The following ETV1 variants were observed in gnomAD, a reference collection of about 807,000 sequenced individuals.
ETV1 encodes the protein ETS translocation variant 1.
ETV1 carries 27 observed loss-of-function variants against 62.3 expected under a neutral mutation model. The observed-to-expected ratio is 0.43, with a 90% CI of 0.32 to 0.60. ETV1 has a LOEUF of 0.60. Among genes scored for constraint, ETV1 ranks in the 20% least tolerant of loss-of-function variants. The probability of loss-of-function intolerance (pLI) is 0.06; values close to 1 mark genes in which losing one functional copy is unlikely to be tolerated. For synonymous variants in ETV1, 222 were observed against 199.6 expected (o/e 1.11, Z -0.94); for missense variants, 605 against 605.8 (o/e 1.00, Z 0.01).
chr7:13,945,085 G>T (rs1788001623), intron 6 of ETV1, among the ~76,000 whole-genome samples: 1 of 152,112 alleles, frequency 6.6e-6, no homozygotes. Context: ...ATTTCACAAA[G>T]CAACCCAGTT....
In ETV1 at chr7:13,893,476, A is replaced by G. The variant is rs772167753; in HGVS notation, c.*2390T>C. 7 of 231,246 alleles carry G rather than the reference A, an allele frequency of 3.0e-5. No homozygotes were observed. The highest frequency in any genetic ancestry group is 5.6e-5 in the Admixed American group (1 of 17,742). The allele number at this position is 231,246 out of a possible 1,614,324, so 14.3% of individuals were successfully genotyped here. The stretch of plus-strand genomic sequence containing the variant: ...TTTAGTTCAGTGAGTCACTACGTTA[A>G]AACAGCAAAACATATAGTTTGTCCT... On this transcript the variant is annotated 3_prime_UTR_variant, in exon 14 of 14. Transcript: ENST00000430479.
At chr7:13,979,224 G>C (rs886274803) in intron 5 of ETV1, among the ~76,000 whole-genome samples, 1 of 152,144 alleles carries the variant, frequency 6.6e-6, no homozygotes, top group East Asian at 1.9e-4. Context: ...AGGATTAAAT[G>C]AAACAGTCTA....
At chr7:13,976,406 C>G (rs1781456989) in intron 6 of ETV1, among the ~76,000 whole-genome samples, 1 of 152,060 alleles carries the variant, frequency 6.6e-6, no homozygotes, top group South Asian at 2.1e-4. Context: ...TCTTTATAAC[C>G]AAGCTGAGTT....
At position 13,986,081 on chromosome 7, in the gene ETV1, T is replaced by G. The variant is rs1400735119; in HGVS notation, c.181+557A>C. 5 of 1,487,542 alleles carry G rather than the reference T, an allele frequency of 3.4e-6. No homozygotes were observed. In the Admixed American group the frequency reaches 1.0e-4, roughly 30 times the overall value. The allele number at this position is 1,487,542 out of a possible 1,614,324, so 92.1% of individuals were successfully genotyped here. ...AAATCCTCATATCTCCCATTTATTT[T>G]AAACCCATAGATTTCCTAAGCATTA... is the stretch of plus-strand genomic sequence containing the variant. On this transcript the variant is annotated intron_variant, in intron 5 of 13. Transcript: ENST00000430479.
rs1351185966 is a variant in ETV1, at chr7:13,908,052, CTG to C, written c.941-1455_941-1454del. Among the ~76,000 whole-genome samples the C allele has an allele frequency of 2.6e-5, 4 of 152,064 alleles. No individual in the cohort carries two copies. The East Asian group carries it at 7.7e-4, about 29-fold the overall frequency. ...GTAATTATGCAGATAGAGTGAAACA[CTG>C]TTACATTTTATAGTCTCTATATTGC... On this transcript the variant is annotated intron_variant, in intron 11 of 13. Coordinates refer to ENST00000430479, the MANE Select transcript of ETV1 (RefSeq NM_004956.5).
At chr7:13,942,055 A>G (rs1178188556) in intron 6 of ETV1, among the ~76,000 whole-genome samples, 1 of 116,518 alleles carries the variant, frequency 8.6e-6, no homozygotes, top group Non-Finnish European at 1.6e-5. Context: ...ACGGAGTCTC[A>G]CTCTTTCGCC....
intron 6 of ETV1, among the ~76,000 whole-genome samples, chr7:13,952,007 G>T (rs1788873946): frequency 6.6e-6 from 1 of 151,948 alleles, no homozygotes; most frequent in Non-Finnish European, 1.5e-5. Flanking sequence ...ATTTAATCTT[G>T]TTTCCAATTT....
intron 6 of ETV1, among the ~76,000 whole-genome samples, chr7:13,962,193 A>G (rs550644717): frequency 1.8e-4 from 27 of 150,324 alleles, no homozygotes; most frequent in Admixed American, 2.6e-4. Context: ...ACACACACAC[A>G]CACACACACG....
In ETV1 at chr7:13,977,470, A is replaced by G; in HGVS notation, c.192T>C (p.Pro64=). Residue 64 remains proline (P), a synonymous_variant, in exon 6 of 14, where the codon CCT becomes CCC. Transcript: ENST00000430479. ...QETWLAEAQV[P]DNDEQFVPDY... Reference sequence around the variant, plus strand: ...CTGGTACAAACTGCTCATCATTGTCAGGTACCTGAGCTGAAGAAGAAAAAG... The same window carrying G: ...CTGGTACAAACTGCTCATCATTGTCGGGTACCTGAGCTGAAGAAGAAAAAG... The G allele has an allele frequency of 6.5e-7, 1 of 1,542,308 alleles. No homozygotes were observed. Among genetic ancestry groups the G allele is most frequent in the Non-Finnish European group, 8.8e-7 (1 of 1,140,532 alleles).
chr7:13,940,179 A>G (rs1474859732), intron 6 of ETV1, among the ~76,000 whole-genome samples: 1 of 152,168 alleles, frequency 6.6e-6, no homozygotes, highest in East Asian at 1.9e-4. Flanking sequence ...CCTGAGCAAC[A>G]TGGTGAAACC....
At chr7:13,976,779 C>T (rs116373146) in intron 6 of ETV1, among the ~76,000 whole-genome samples, 1 of 152,280 alleles carries the variant, frequency 6.6e-6, no homozygotes, top group African/African-American at 2.4e-5. Context: ...ACAGTGAGTA[C>T]TCCATGCATC....
At chr7:13,904,683 T>C (rs1782773882) in intron 12 of ETV1, among the ~76,000 whole-genome samples, 1 of 152,060 alleles carries the variant, frequency 6.6e-6, no homozygotes, top group Non-Finnish European at 1.5e-5. Context: ...GTTTAACTGA[T>C]ACAAATCCCT....
chr7:13,935,749 T>G lies in ETV1; in HGVS notation c.513A>C (p.Pro171=). 1.9e-6 allele frequency: 3 copies of G among 1,613,760 alleles called. No individual in the cohort carries two copies. The highest frequency in any genetic ancestry group is 2.2e-5 in the East Asian group (1 of 44,844). Residue 171 remains proline (P), a synonymous_variant, in exon 8 of 14, where the codon CCA becomes CCC. Coordinates refer to ENST00000430479, the MANE Select transcript of ETV1 (RefSeq NM_004956.5). The stretch of plus-strand genomic sequence containing the variant: ...AGCTGCTATCTGGTATGGACTGCGA[T>G]GGAGGGAGGTGAGCTGGGAAGGCCC... The part of the protein sequence containing the change: ...PDRAFPAHLP[P]SQSIPDSSYP...
At chr7:13,914,139 C>A (rs963057349) in intron 9 of ETV1, among the ~76,000 whole-genome samples, 11 of 152,026 alleles carry the variant, frequency 7.2e-5, no homozygotes, top group African/African-American at 2.7e-4. Context: ...CCCGCCTCGG[C>A]CTCCCAAAGT....
At chr7:13,934,264 C>G (rs770400364) in intron 8 of ETV1, among the ~76,000 whole-genome samples, 18 of 152,204 alleles carry the variant, frequency 1.2e-4, no homozygotes, top group African/African-American at 3.9e-4. Flanking sequence ...ATAACTACCC[C>G]ACAAGAGGAC....
intron 6 of ETV1, among the ~76,000 whole-genome samples, chr7:13,968,288 G>C (rs1472269773): frequency 6.6e-6 from 1 of 151,928 alleles, no homozygotes; most frequent in Non-Finnish European, 1.5e-5. Context: ...AAAAGCTAAA[G>C]ACTTGGGTTA....
chr7:13,978,053 C>T (rs1243673983), intron 5 of ETV1, among the ~76,000 whole-genome samples: 1 of 152,082 alleles, frequency 6.6e-6, no homozygotes, highest in African/African-American at 2.4e-5. Context: ...TGATTTGGCT[C>T]ATATATAATA....
At chr7:13,963,289 T>C (rs1790398126) in intron 6 of ETV1, among the ~76,000 whole-genome samples, 1 of 152,118 alleles carries the variant, frequency 6.6e-6, no homozygotes, top group African/African-American at 2.4e-5. Flanking sequence ...TAACTTATTT[T>C]TCGTTATGAA....
At chr7:13,896,706 A>G (rs1781824049) in intron 13 of ETV1, among the ~76,000 whole-genome samples, 1 of 150,962 alleles carries the variant, frequency 6.6e-6, no homozygotes, top group African/African-American at 2.4e-5. Flanking sequence ...GAGAGAAAGA[A>G]AGAAAGGAGA....
Sources: allele counts gnomAD v4.1 joint callset (sites outside exome capture counted in the v4.1 genomes callset), GRCh38; gene constraint gnomAD v4.1.1; transcripts MANE v1.5; gene names NCBI Gene and HGNC (gene_info 2026-07-23, HGNC 2026-07-21).